Variants in EPHA6 observed in about 807,000 individuals in gnomAD.
EPHA6 encodes ephrin type-A receptor 6.
EPHA6 carries 50 observed loss-of-function variants against 112.0 expected under a neutral mutation model. That is an observed-to-expected ratio of 0.45 (90% confidence interval 0.36 to 0.56). The LOEUF is 0.56. Ranked by LOEUF, EPHA6 falls within the 20% of genes least tolerant of loss-of-function variation. The pLI is 0.00. For synonymous variants in EPHA6, 529 were observed against 490.7 expected, an observed-to-expected ratio of 1.08 and a Z score of -1.03; for missense variants, 1,280 against 1,417.4, an observed-to-expected ratio of 0.90 and a Z score of 1.56.
chr3:97,327,594 C>T (rs963297106), intron 5 of EPHA6, among the ~76,000 whole-genome samples: 3 of 151,802 alleles, frequency 2.0e-5, no homozygotes, highest in Admixed American at 6.6e-5. Context: ...GATCCCCCCA[C>T]GTTGCTTTTT....
intron 5 of EPHA6, among the ~76,000 whole-genome samples, chr3:97,291,984 G>A (rs924204214): frequency 2.0e-5 from 3 of 152,322 alleles, no homozygotes; most frequent in East Asian, 1.9e-4. Context: ...AGCCAGGCAC[G>A]GAGCAGTGGG....
intron 11 of EPHA6, among the ~76,000 whole-genome samples, chr3:97,553,864 G>A (rs1158586699): frequency 6.6e-6 from 1 of 152,058 alleles, no homozygotes; most frequent in East Asian, 1.9e-4. Flanking sequence ...GATGTCTACT[G>A]TATGGCTTTC....
chr3:97,350,551 G>T (rs2083757269), intron 5 of EPHA6, among the ~76,000 whole-genome samples: 1 of 152,100 alleles, frequency 6.6e-6, no homozygotes, highest in South Asian at 2.1e-4. Context: ...ATAGTATTTT[G>T]TGTAGAGCAG....
At chr3:97,227,323 C>T (rs534347486) in intron 4 of EPHA6, among the ~76,000 whole-genome samples, 3 of 151,598 alleles carry the variant, frequency 2.0e-5, no homozygotes, top group East Asian at 3.9e-4. Context: ...CGGATTCAAG[C>T]GATTCTCCTG....
At chr3:97,177,229 G>A (rs1330725890) in intron 3 of EPHA6, among the ~76,000 whole-genome samples, 1 of 151,948 alleles carries the variant, frequency 6.6e-6, no homozygotes, top group East Asian at 1.9e-4. Context: ...TTACATTGTG[G>A]TCAGAGAAGA....
chr3:97,227,860 T>G (rs1293216263), intron 4 of EPHA6, among the ~76,000 whole-genome samples: 1 of 152,180 alleles, frequency 6.6e-6, no homozygotes, highest in Non-Finnish European at 1.5e-5. Flanking sequence ...TACTCTGGAC[T>G]GGCCAGAACT....
chr3:97,252,588 A>G (rs1378720025), intron 5 of EPHA6, among the ~76,000 whole-genome samples: 1 of 152,156 alleles, frequency 6.6e-6, no homozygotes, highest in Non-Finnish European at 1.5e-5. Context: ...CACCTAACCC[A>G]GGCAGACTAT....
rs182317523 is a variant in EPHA6, at chr3:97,474,661, C to T, written c.1895-691C>T. 2.8e-4 allele frequency among the ~76,000 whole-genome samples: 42 copies of T among 151,876 alleles called. No homozygotes were observed. The East Asian group carries it at 6.0e-3, about 22-fold the overall frequency. ...TTTAAATGATATATGTTAAAAGATT[C>T]CCAGAAGATTAGTAAAACATGCAGC... On this transcript the variant is annotated intron_variant, in intron 7 of 17. Coordinates refer to ENST00000389672, the MANE Select transcript of EPHA6 (RefSeq NM_001080448.3).
chr3:96,891,279 T>C (rs1048584137), intron 2 of EPHA6, among the ~76,000 whole-genome samples: 1 of 152,172 alleles, frequency 6.6e-6, no homozygotes, highest in Non-Finnish European at 1.5e-5. Context: ...TCTGTTTTTA[T>C]ACAGCACTAT....
At chr3:96,855,549 C>T (rs1381458428) in intron 1 of EPHA6, among the ~76,000 whole-genome samples, 1 of 151,876 alleles carries the variant, frequency 6.6e-6, no homozygotes, top group East Asian at 1.9e-4. Context: ...CAGATGTGAA[C>T]ATGTTACATT....
intron 3 of EPHA6, among the ~76,000 whole-genome samples, chr3:97,143,730 G>A (rs2075968000): frequency 6.6e-6 from 1 of 151,650 alleles, no homozygotes; most frequent in African/African-American, 2.4e-5. Flanking sequence ...TGATTCCAGA[G>A]TTTTCTTGTA....
intron 2 of EPHA6, among the ~76,000 whole-genome samples, chr3:96,891,930 G>T (rs1241151092): frequency 1.3e-5 from 2 of 152,156 alleles, no homozygotes; most frequent in Admixed American, 6.5e-5. Flanking sequence ...CAGCTGAAGT[G>T]GTCCTTGGAG....
intron 5 of EPHA6, among the ~76,000 whole-genome samples, chr3:97,286,999 G>GT: frequency 6.8e-6 from 1 of 146,826 alleles, no homozygotes; most frequent in South Asian, 2.1e-4. Context: ...TTATGCAGCT[G>GT]TTAAAAAAAA....
In EPHA6 at chr3:97,275,707, G is replaced by A. The variant is rs956205136; in HGVS notation, c.1606+31420G>A. Among the ~76,000 whole-genome samples the A allele has an allele frequency of 6.6e-5, 10 of 152,104 alleles. No homozygotes were observed. In the South Asian group the frequency reaches 1.0e-3, roughly 16 times the overall value. The stretch of plus-strand genomic sequence containing the variant: ...TAACAGGCTTTAATCCTTTTAAAGC[G>A]TGTTGTGGGATGGGATATTGGCATT... On this transcript the variant is annotated intron_variant, in intron 5 of 17. Coordinates refer to ENST00000389672, the MANE Select transcript of EPHA6 (RefSeq NM_001080448.3).
At chr3:97,351,789 A>G (rs2083827193) in intron 5 of EPHA6, among the ~76,000 whole-genome samples, 1 of 152,160 alleles carries the variant, frequency 6.6e-6, no homozygotes, top group Non-Finnish European at 1.5e-5. Context: ...CTTTTGGTTC[A>G]TAATATCTGG....
intron 2 of EPHA6, among the ~76,000 whole-genome samples, chr3:96,899,305 G>A (rs1286172757): frequency 6.6e-6 from 1 of 151,960 alleles, no homozygotes; most frequent in African/African-American, 2.4e-5. Context: ...CTTCTTATAA[G>A]GACATCAGTC....
chr3:96,931,850 G>C (rs1227858680), intron 2 of EPHA6, among the ~76,000 whole-genome samples: 1 of 152,142 alleles, frequency 6.6e-6, no homozygotes, highest in Non-Finnish European at 1.5e-5. Context: ...GGATATGCAT[G>C]GACCTCTTGC....
At chr3:96,855,423 T>C (rs2035634987) in intron 1 of EPHA6, among the ~76,000 whole-genome samples, 1 of 152,016 alleles carries the variant, frequency 6.6e-6, no homozygotes, top group African/African-American at 2.4e-5. Flanking sequence ...TATTGAGGGA[T>C]GAGTTAAGGA....
chr3:97,294,050 A>T, intron 5 of EPHA6, among the ~76,000 whole-genome samples: 1 of 152,138 alleles, frequency 6.6e-6, no homozygotes, highest in East Asian at 1.9e-4. Flanking sequence ...GAGCAGGGGG[A>T]GGCCAGGGAG....
Sources: gnomAD v4.1 joint callset for allele counts (sites outside exome capture counted in the v4.1 genomes callset) on GRCh38, gnomAD v4.1.1 for gene constraint, MANE v1.5 for transcripts, NCBI Gene and HGNC (gene_info 2026-07-23, HGNC 2026-07-21) for gene names.